Variants in MARK3 observed in about 807,000 individuals in gnomAD.
The protein encoded by MARK3 is microtubule affinity regulating kinase 3.
A neutral mutation model predicts 90.1 loss-of-function variants in MARK3; 46 were observed. That is an observed-to-expected ratio of 0.51 (90% confidence interval 0.40 to 0.65). The LOEUF (loss-of-function observed/expected upper bound fraction) is 0.65, where lower values mean the gene tolerates loss of function less well. Ranked by LOEUF, MARK3 falls within the 30% of genes least tolerant of loss-of-function variation. The pLI is 0.00. For synonymous variants in MARK3, 321 were observed against 332.6 expected (o/e 0.97, Z 0.38); for missense variants, 818 against 947.2 (o/e 0.86, Z 1.79).
At chr14:103,440,944 A>G (rs914668794) in intron 3 of MARK3, among the ~76,000 whole-genome samples, 55 of 151,230 alleles carry the variant, frequency 3.6e-4, no homozygotes, top group African/African-American at 8.5e-4. Context: ...TTAAAAAAAA[A>G]AAAAGAAAAG....
At chr14:103,469,892 C>G (rs1472931172) in intron 12 of MARK3, among the ~76,000 whole-genome samples, 1 of 151,672 alleles carries the variant, frequency 6.6e-6, no homozygotes, top group East Asian at 2.0e-4. Flanking sequence ...GAAACCCCAT[C>G]TCTACTAAAA....
intron 15 of MARK3, among the ~76,000 whole-genome samples, chr14:103,495,832 G>C (rs2075308736): frequency 6.6e-6 from 1 of 152,232 alleles, no homozygotes; most frequent in South Asian, 2.1e-4. Flanking sequence ...ATCCTTGCTA[G>C]AGTGGTTGAA....
intron 14 of MARK3, among the ~76,000 whole-genome samples, chr14:103,487,247 TG>T (rs2093946728): frequency 6.6e-6 from 1 of 150,376 alleles, no homozygotes; most frequent in Non-Finnish European, 1.5e-5. Context: ...CCCAGCACTT[TG>T]GGAGGCCAAG....
intron 13 of MARK3, among the ~76,000 whole-genome samples, chr14:103,478,871 G>C (rs1356597430): frequency 6.6e-6 from 1 of 152,026 alleles, no homozygotes; most frequent in Non-Finnish European, 1.5e-5. Context: ...TTTCTTTTGG[G>C]GGTAATATTC....
intron 1 of MARK3, among the ~76,000 whole-genome samples, chr14:103,391,023 T>A (rs1555367887): frequency 1.3e-5 from 2 of 152,240 alleles, no homozygotes; most frequent in African/African-American, 2.4e-5. Flanking sequence ...AACTATTTTT[T>A]AAAATATTTT....
At chr14:103,397,514 A>G (rs550773378) in intron 1 of MARK3, among the ~76,000 whole-genome samples, 1 of 151,910 alleles carries the variant, frequency 6.6e-6, no homozygotes, top group South Asian at 2.1e-4. Context: ...TTTAGTAGAG[A>G]TGGGGTTTCA....
intron 3 of MARK3, 148 bp from the exon 4 acceptor site, chr14:103,448,771 T>C (rs2093056491): frequency 2.7e-6 from 2 of 730,362 alleles, no homozygotes; most frequent in East Asian, 3.3e-5. Flanking sequence ...TTCTGGACTT[T>C]CATATTAGTC....
chr14:103,487,037 C>A (rs1023030847), intron 14 of MARK3, among the ~76,000 whole-genome samples: 3 of 151,956 alleles, frequency 2.0e-5, no homozygotes, highest in African/African-American at 7.2e-5. Flanking sequence ...ATACCTCAGC[C>A]TCCTGAGTAG....
At chr14:103,452,989 G>A (rs1289408209) in intron 5 of MARK3, among the ~76,000 whole-genome samples, 4 of 152,202 alleles carry the variant, frequency 2.6e-5, no homozygotes, top group Non-Finnish European at 5.9e-5. Flanking sequence ...CTTTGGTTTA[G>A]ATGCTTTTCT....
rs376115367 is a variant in MARK3 at position 103,448,972 on chromosome 14, T to A, written c.346+5T>A. On this transcript the variant is annotated splice_donor_5th_base_variant and intron_variant, in intron 4 of 17. Transcript: ENST00000429436. The stretch of plus-strand genomic sequence containing the variant: ...TTTTAAATCATCCCAATATAGGTAC[T>A]TTCTGCTTTTTTAAATATTTTGGGG... 2.5e-4 allele frequency: 387 copies of A among 1,564,582 alleles called. No individual in the cohort carries two copies. Among genetic ancestry groups the A allele is most frequent in the Middle Eastern group, 5.1e-4 (3 of 5,930 alleles).
chr14:103,432,308 A>G (rs8012286), intron 3 of MARK3, among the ~76,000 whole-genome samples: 11,104 of 152,224 alleles, frequency 0.073, 1,407 homozygotes, highest in African/African-American at 0.26. Flanking sequence ...AGAGGAAGAA[A>G]AAAAGGAACA....
At chr14:103,421,780 G>C (rs557736385) in intron 2 of MARK3, among the ~76,000 whole-genome samples, 23 of 152,094 alleles carry the variant, frequency 1.5e-4, no homozygotes, top group Admixed American at 6.6e-4. Context: ...GCCATTCTTT[G>C]TCATTTGGTC....
chr14:103,478,362 GC>G (rs1244679033), intron 13 of MARK3, among the ~76,000 whole-genome samples: 2 of 123,768 alleles, frequency 1.6e-5, no homozygotes, highest in Non-Finnish European at 3.4e-5. Flanking sequence ...TCTCCCCTCT[GC>G]CCCCCTCCCT....
chr14:103,454,890 C>T (rs966584913), intron 5 of MARK3, among the ~76,000 whole-genome samples: 6 of 152,214 alleles, frequency 3.9e-5, no homozygotes, highest in African/African-American at 1.2e-4. Context: ...TTCCATCCAG[C>T]CACCTGTTCC....
intron 16 of MARK3, 153 bp from the exon 17 acceptor site, chr14:103,500,003 G>A (rs1031164115): frequency 1.5e-6 from 1 of 677,184 alleles, no homozygotes; most frequent in African/African-American, 1.8e-5. Context: ...TCAAATGAGA[G>A]GAAGAGTTTT....
intron 12 of MARK3, among the ~76,000 whole-genome samples, chr14:103,472,647 C>CAAA (rs71126028): frequency 4.1e-5 from 3 of 72,532 alleles, no homozygotes; most frequent in African/African-American, 1.6e-4. Context: ...GGCTCCATCT[C>CAAA]AAAAAAAAAA....
At chr14:103,402,189 G>A (rs1343137755) in intron 1 of MARK3, among the ~76,000 whole-genome samples, 1 of 152,204 alleles carries the variant, frequency 6.6e-6, no homozygotes, top group Non-Finnish European at 1.5e-5. Flanking sequence ...GAAGCGCTAA[G>A]GAGTTAGTAT....
rs190353680 is a variant in MARK3 at position 103,478,665 on chromosome 14, G to A, written c.1483-1722G>A. 6.9e-3 allele frequency among the ~76,000 whole-genome samples: 1,045 copies of A among 151,734 alleles called. 3 individuals carry two copies. The highest frequency in any genetic ancestry group is 0.011 in the Non-Finnish European group (725 of 67,966). ...AGCGATTCTCCTGCCTCAGCCTCCTGAGTAGCTGGGATTACAGGCGTGCGC... is the reference window on the plus strand; with the variant it reads ...AGCGATTCTCCTGCCTCAGCCTCCTAAGTAGCTGGGATTACAGGCGTGCGC... On this transcript the variant is annotated intron_variant, in intron 13 of 17. Transcript: ENST00000429436.
chr14:103,397,547 G>A (rs1025894660), intron 1 of MARK3, among the ~76,000 whole-genome samples: 3 of 151,798 alleles, frequency 2.0e-5, no homozygotes, highest in African/African-American at 7.3e-5. Context: ...GGCTGGTCTC[G>A]AACTCCTGAC....
Sources: allele counts gnomAD v4.1 joint callset (sites outside exome capture counted in the v4.1 genomes callset), GRCh38; gene constraint gnomAD v4.1.1; transcripts MANE v1.5; gene names NCBI Gene and HGNC (gene_info 2026-07-23, HGNC 2026-07-21).